SIRPB1: variants seen among roughly 807,000 people sequenced by gnomAD.
SIRPB1 encodes the protein signal regulatory protein beta 1, also known as signal-regulatory protein beta-1.
A neutral mutation model predicts 34.1 loss-of-function variants in SIRPB1; 28 were observed. The ratio of observed to expected loss-of-function variants is 0.82; its 90% CI spans 0.61 to 1.12. The LOEUF (loss-of-function observed/expected upper bound fraction) is 1.12, where lower values mean the gene tolerates loss of function less well. Among genes scored for constraint, SIRPB1 ranks in the 50% most tolerant of loss-of-function variants. The pLI, the probability that SIRPB1 is intolerant of heterozygous loss-of-function variation, is 0.00. For missense variants in SIRPB1, 499 were observed against 507.0 expected (o/e 0.98, Z 0.15); for synonymous variants, 211 against 203.8 (o/e 1.04, Z -0.30).
At position 1,571,732 on chromosome 20, in the gene SIRPB1, C is replaced by G; in HGVS notation, c.739G>C (p.Glu247Gln). The stretch of plus-strand genomic sequence containing the variant: ...GAGGGTCTTCTACCTCGGATGGCCT[C>G]AGACAAGTTGGCAGTCCCACGAAGA... ...DPLRGTANLS[E>Q]AIRVPPTLEV... is the part of the protein sequence containing the mutation. The change falls in exon 3 of 6, where the codon GAG (glutamate) becomes CAG (glutamine). Residue 247 changes from glutamate (E) to glutamine (Q), a missense_variant. Coordinates refer to ENST00000381605, the MANE Select transcript of SIRPB1 (RefSeq NM_006065.5). 3 of 1,614,172 alleles carry G rather than the reference C, an allele frequency of 1.9e-6. No homozygotes were observed. Among genetic ancestry groups the G allele is most frequent in the Non-Finnish European group, 1.7e-6 (2 of 1,180,026 alleles).
At chr20:1,570,640 C>G (rs1280882249) in intron 4 of SIRPB1, 165 bp downstream of exon 4, 1 of 606,680 alleles carries the variant, frequency 1.6e-6, no homozygotes, top group Non-Finnish European at 2.8e-6. Flanking sequence ...CAATTGTTAC[C>G]TTGAACCTTC....
intron 1 of SIRPB1, among the ~76,000 whole-genome samples, chr20:1,615,582 C>G (rs1411263697): frequency 6.6e-6 from 1 of 152,160 alleles, no homozygotes; most frequent in Non-Finnish European, 1.5e-5. Context: ...AATCCTCAAC[C>G]AAACACTAGC....
Position 1,586,715 on chromosome 20 carries a change from C to T in SIRPB1, c.77-8021G>A, listed in dbSNP as rs892408682. Among the ~76,000 whole-genome samples, 12 of 48,770 alleles carry T rather than the reference C, an allele frequency of 2.5e-4. 4 individuals are homozygous for T. Among genetic ancestry groups the T allele is most frequent in the Non-Finnish European group, 4.7e-4 (12 of 25,366 alleles). 32.0% of individuals were successfully genotyped at this position (48,770 alleles called of 152,430 possible). A position where few individuals can be genotyped will look rare whatever the true frequency, so the allele number is the denominator to read the frequency against. On this transcript the variant is annotated intron_variant, in intron 1 of 5. Transcript: ENST00000381605. ...GAGAATCTAACTAATGCCTGATGAT[C>T]TGAGGTGGAACAGTTTCATCCTGAA... is the stretch of plus-strand genomic sequence containing the variant.
rs1313003914 is a variant in SIRPB1 at position 1,583,868 on chromosome 20, A to G, written c.77-5174T>C. ...AAGTCTTACTACTACTACTACTACTACTACTACTACTACTACTACTACTAC... is the reference window on the plus strand; with the variant it reads ...AAGTCTTACTACTACTACTACTACTGCTACTACTACTACTACTACTACTAC... On this transcript the variant is annotated intron_variant, in intron 1 of 5. Transcript: ENST00000381605. Among the ~76,000 whole-genome samples, 2 of 42,912 alleles carry G rather than the reference A, an allele frequency of 4.7e-5. 1 individual carries two copies. The highest frequency in any genetic ancestry group is 8.5e-5 in the Non-Finnish European group (2 of 23,436). 28.2% of individuals were successfully genotyped at this position (42,912 alleles called of 152,430 possible).
chr20:1,567,483 GATGCCTCCTGC>G (rs2091156941), intron 4 of SIRPB1, among the ~76,000 whole-genome samples: 1 of 152,132 alleles, frequency 6.6e-6, no homozygotes, highest in Non-Finnish European at 1.5e-5. Context: ...AGCACTCTAG[GATGCCTCCTGC>G]ATTGCTTTAT....
intron 2 of SIRPB1, among the ~76,000 whole-genome samples, chr20:1,577,723 T>C (rs2091336381): frequency 6.8e-6 from 1 of 146,728 alleles, no homozygotes; most frequent in Non-Finnish European, 1.5e-5. Flanking sequence ...CAACCGTGAA[T>C]GTGCCTCCGA....
Position 1,578,858 on chromosome 20 carries a change from G to A in SIRPB1, c.77-164C>T, listed in dbSNP as rs1176590261. On this transcript the variant is annotated intron_variant, in intron 1 of 5. Transcript: ENST00000381605. ...CATTTAACCCTCACAACTGGCCTGTGACGTAAGACTGTAATACAAGCGAGA... is the reference window on the plus strand; with the variant it reads ...CATTTAACCCTCACAACTGGCCTGTAACGTAAGACTGTAATACAAGCGAGA... 1.3e-5 allele frequency among the ~76,000 whole-genome samples: 2 copies of A among 148,390 alleles called. 1 individual carries two copies. Among genetic ancestry groups the A allele is most frequent in the Non-Finnish European group, 3.0e-5 (2 of 66,272 alleles).
chr20:1,609,763 G>T (rs2091546417), intron 1 of SIRPB1, among the ~76,000 whole-genome samples: 1 of 72,654 alleles, frequency 1.4e-5, no homozygotes, highest in Admixed American at 1.1e-4. Flanking sequence ...GAGAAACCCT[G>T]TCTCTACAAA....
chr20:1,577,198 C>G (rs183967949), intron 2 of SIRPB1, among the ~76,000 whole-genome samples: 1 of 148,218 alleles, frequency 6.7e-6, no homozygotes, highest in East Asian at 1.9e-4. Context: ...TGCTGGCTCT[C>G]TGACACCTGG....
chr20:1,569,415 G>A (rs2091191897), intron 4 of SIRPB1, among the ~76,000 whole-genome samples: 1 of 152,202 alleles, frequency 6.6e-6, no homozygotes, highest in Non-Finnish European at 1.5e-5. Flanking sequence ...AATGACACTG[G>A]TTTTGTGAAA....
rs2091440233 is a variant in SIRPB1 at position 1,591,202 on chromosome 20, T to G, written c.77-12508A>C. On this transcript the variant is annotated intron_variant, in intron 1 of 5. Transcript: ENST00000381605. Reference sequence around the variant, plus strand: ...GGACTATATATATATAAGTAGTAAGTTATTGGGTTGGGGGATCATGTGGGG... The same window carrying G: ...GGACTATATATATATAAGTAGTAAGGTATTGGGTTGGGGGATCATGTGGGG... Among the ~76,000 whole-genome samples, 2 of 48,412 alleles carry G rather than the reference T, an allele frequency of 4.1e-5. 1 individual carries two copies. The highest frequency in any genetic ancestry group is 1.2e-3 in the East Asian group (2 of 1,730). The allele number at this position is 48,412 out of a possible 152,430, so 31.8% of individuals were successfully genotyped here.
Position 1,589,281 on chromosome 20 carries a change from T to G in SIRPB1, c.77-10587A>C, listed in dbSNP as rs1215469133. On this transcript the variant is annotated intron_variant, in intron 1 of 5. Coordinates refer to ENST00000381605, the MANE Select transcript of SIRPB1 (RefSeq NM_006065.5). ...TCCCAACTTCTTCCAGGAGAGGGAG[T>G]AGTTTTAGTTTAGTAAGGATCTGTT... 4.2e-5 allele frequency among the ~76,000 whole-genome samples: 2 copies of G among 47,226 alleles called. 1 individual carries two copies. Among genetic ancestry groups the G allele is most frequent in the Non-Finnish European group, 8.1e-5 (2 of 24,750 alleles). 31.0% of individuals were successfully genotyped at this position (47,226 alleles called of 152,430 possible).
In SIRPB1 at chr20:1,598,385, G is replaced by A; in HGVS notation, c.77-19691C>T. On this transcript the variant is annotated intron_variant, in intron 1 of 5. Coordinates refer to ENST00000381605, the MANE Select transcript of SIRPB1 (RefSeq NM_006065.5). Reference sequence around the variant, plus strand: ...CTCATTGCTTCCACTCAGGCACACAGAGGGTCAGAATGGGTACAGCCCTAA... The same window carrying A: ...CTCATTGCTTCCACTCAGGCACACAAAGGGTCAGAATGGGTACAGCCCTAA... The A allele has an allele frequency of 6.1e-6, 2 of 329,176 alleles. 1 individual carries two copies. The highest frequency in any genetic ancestry group is 7.0e-6 in the Non-Finnish European group (2 of 283,910). The allele number at this position is 329,176 out of a possible 1,614,324, so 20.4% of individuals were successfully genotyped here.
chr20:1,613,711 T>C lies in SIRPB1; in HGVS notation c.76+6158A>G, dbSNP rs1451354621. Among the ~76,000 whole-genome samples the C allele has an allele frequency of 2.6e-5, 4 of 152,148 alleles. No homozygotes were observed. In the East Asian group the frequency reaches 5.8e-4, roughly 22 times the overall value. On this transcript the variant is annotated intron_variant, in intron 1 of 5. Transcript: ENST00000381605. The stretch of plus-strand genomic sequence containing the variant: ...TATTGGTGGAAAATAGAATAAAGTA[T>C]AGAGCACAGAATCTAAGGGAATTGT...
chr20:1,615,980 C>CA (rs1450023065), intron 1 of SIRPB1, among the ~76,000 whole-genome samples: 7 of 151,680 alleles, frequency 4.6e-5, no homozygotes, highest in Admixed American at 1.3e-4. Flanking sequence ...CAATTACTAC[C>CA]AAAAAAGCTA....
chr20:1,571,196 C>G lies in SIRPB1; in HGVS notation c.752-59G>C, dbSNP rs1229840983. Reference sequence around the variant, plus strand: ...TGGCACAGACAGATCACAGGGAGGGCTAAATAACGTAGCTCCCACCAACAC... The same window carrying G: ...TGGCACAGACAGATCACAGGGAGGGGTAAATAACGTAGCTCCCACCAACAC... On this transcript the variant is annotated intron_variant, in intron 3 of 5. Transcript: ENST00000381605. 8.6e-6 allele frequency: 13 copies of G among 1,516,212 alleles called. No homozygotes were observed. The African/African-American group carries it at 1.5e-4, about 18-fold the overall frequency. The allele number at this position is 1,516,212 out of a possible 1,614,324, so 93.9% of individuals were successfully genotyped here.
intron 1 of SIRPB1, among the ~76,000 whole-genome samples, chr20:1,614,828 C>G (rs1476676881): frequency 1.3e-5 from 2 of 152,100 alleles, no homozygotes; most frequent in African/African-American, 4.8e-5. Context: ...TACTGATTTG[C>G]TACTCTGATT....
chr20:1,609,612 G>C (rs1321225678), intron 1 of SIRPB1, among the ~76,000 whole-genome samples: 1 of 71,946 alleles, frequency 1.4e-5, no homozygotes, highest in Non-Finnish European at 2.6e-5. Context: ...GATGCTAGAG[G>C]CAGATGTTAA....
intron 1 of SIRPB1, among the ~76,000 whole-genome samples, chr20:1,619,619 A>G (rs748508813): frequency 1.3e-5 from 2 of 152,180 alleles, no homozygotes; most frequent in South Asian, 2.1e-4. Flanking sequence ...TGCTTTTTCA[A>G]TTGAAATATT....
Sources: allele counts gnomAD v4.1 joint callset (sites outside exome capture counted in the v4.1 genomes callset), GRCh38; gene constraint gnomAD v4.1.1; transcripts MANE v1.5; gene names NCBI Gene and HGNC (gene_info 2026-07-23, HGNC 2026-07-21).